RGL1: variants seen among roughly 807,000 people sequenced by gnomAD.
RGL1 encodes ral guanine nucleotide dissociation stimulator-like 1.
A neutral mutation model predicts 95.2 loss-of-function variants in RGL1; 24 were observed. The observed-to-expected ratio is 0.25, with a 90% CI of 0.18 to 0.35. The LOEUF (loss-of-function observed/expected upper bound fraction) is 0.35. Among genes scored for constraint, RGL1 ranks in the 10% least tolerant of loss-of-function variants. RGL1 has a pLI of 1.00. For synonymous variants in RGL1, 329 were observed against 344.9 expected (o/e 0.95, Z 0.51); for missense variants, 715 against 936.3 (o/e 0.76, Z 3.08).
Position 183,661,228 on chromosome 1 carries a change from A to C in RGL1, c.-33+24727A>C, listed in dbSNP as rs374894007. Among the ~76,000 whole-genome samples the C allele has an allele frequency of 5.5e-4, 84 of 152,362 alleles. 3 individuals are homozygous for C. The South Asian group carries it at 0.015, about 27-fold the overall frequency. ...AAATCAGAGCAGAGCTGAAGGAAATAGAGACACAAAAAACCCTTCAAAAAA... is the reference window on the plus strand; with the variant it reads ...AAATCAGAGCAGAGCTGAAGGAAATCGAGACACAAAAAACCCTTCAAAAAA... On this transcript the variant is annotated intron_variant, in intron 1 of 18. Coordinates refer to the RGL1 transcript ENST00000304685.
intron 2 of RGL1, among the ~76,000 whole-genome samples, chr1:183,844,721 C>T (rs1214135648): frequency 6.6e-6 from 1 of 152,146 alleles, no homozygotes; most frequent in East Asian, 1.9e-4. Context: ...ATGGGTACTA[C>T]AAGGTTTGTT....
intron 2 of RGL1, among the ~76,000 whole-genome samples, chr1:183,835,829 T>C (rs1663609976): frequency 6.6e-6 from 1 of 152,204 alleles, no homozygotes; most frequent in Non-Finnish European, 1.5e-5. Flanking sequence ...TATCTAACTT[T>C]CTCTTTCTTA....
intron 2 of RGL1, among the ~76,000 whole-genome samples, chr1:183,806,811 A>G: frequency 6.6e-6 from 1 of 152,052 alleles, no homozygotes; most frequent in East Asian, 1.9e-4. Context: ...GACAAGAGCC[A>G]TAAGCAGCTT....
chr1:183,641,427 G>A (rs1649915169), intron 1 of RGL1, among the ~76,000 whole-genome samples: 1 of 152,068 alleles, frequency 6.6e-6, no homozygotes, highest in Admixed American at 6.6e-5. Context: ...GAGGCACTGT[G>A]TGCTGCCTTT....
intron 2 of RGL1, among the ~76,000 whole-genome samples, chr1:183,798,182 G>GTAT (rs375959883): frequency 4.0e-5 from 6 of 151,782 alleles, no homozygotes; most frequent in East Asian, 3.9e-4. Context: ...TCTTCGCATG[G>GTAT]TATTATTATT....
intron 1 of RGL1, among the ~76,000 whole-genome samples, chr1:183,685,664 C>G (rs1164593762): frequency 6.6e-6 from 1 of 152,140 alleles, no homozygotes; most frequent in Non-Finnish European, 1.5e-5. Flanking sequence ...TTGGATATAT[C>G]TATAACATAA....
At chr1:183,725,572 C>T (rs1264355046) in intron 1 of RGL1, among the ~76,000 whole-genome samples, 1 of 151,962 alleles carries the variant, frequency 6.6e-6, no homozygotes, top group African/African-American at 2.4e-5. Flanking sequence ...AGAACTATTA[C>T]CAGGGATAAA....
chr1:183,863,650 T>A (rs1352434917), intron 3 of RGL1, among the ~76,000 whole-genome samples: 2 of 152,122 alleles, frequency 1.3e-5, no homozygotes, highest in Non-Finnish European at 2.9e-5. Context: ...ATGGAAGTGA[T>A]GAGAAGTGTT....
chr1:183,707,221 G>A (rs997372289), intron 1 of RGL1, among the ~76,000 whole-genome samples: 1 of 152,176 alleles, frequency 6.6e-6, no homozygotes, highest in Non-Finnish European at 1.5e-5. Flanking sequence ...GCATGCGCCT[G>A]AGCTAGGGTC....
intron 1 of RGL1, among the ~76,000 whole-genome samples, chr1:183,723,969 A>G (rs1445165903): frequency 6.6e-6 from 1 of 152,186 alleles, no homozygotes. Context: ...ATACCAGCTC[A>G]GTCACAGTAG....
chr1:183,810,269 G>A (rs1448431205), intron 2 of RGL1, among the ~76,000 whole-genome samples: 9 of 152,282 alleles, frequency 5.9e-5, no homozygotes, highest in Admixed American at 1.3e-4. Context: ...CCTAAGATAA[G>A]TTCCAAGTGA....
intron 1 of RGL1, among the ~76,000 whole-genome samples, chr1:183,685,186 CG>C (rs1292963268): frequency 6.6e-6 from 1 of 151,932 alleles, no homozygotes; most frequent in South Asian, 2.1e-4. Flanking sequence ...AATGCTTAAA[CG>C]TTCTTTAACT....
At chr1:183,689,524 C>A (rs1653817651) in intron 1 of RGL1, among the ~76,000 whole-genome samples, 1 of 152,194 alleles carries the variant, frequency 6.6e-6, no homozygotes, top group Non-Finnish European at 1.5e-5. Context: ...GATAGTTGCT[C>A]CTTTCTATTG....
At chr1:183,647,918 C>A (rs760161720) in intron 1 of RGL1, 3 of 1,614,014 alleles carry the variant, frequency 1.9e-6, no homozygotes, top group Non-Finnish European at 2.5e-6. Flanking sequence ...CAACAGGAGC[C>A]CTGAGGTCTG....
intron 2 of RGL1, among the ~76,000 whole-genome samples, chr1:183,815,363 T>A (rs1483228221): frequency 6.6e-6 from 1 of 152,170 alleles, no homozygotes; most frequent in Non-Finnish European, 1.5e-5. Context: ...ATTGAAGCAT[T>A]TGGTTAGTTT....
intron 3 of RGL1, among the ~76,000 whole-genome samples, chr1:183,851,867 C>T (rs953728536): frequency 6.6e-6 from 1 of 152,084 alleles, no homozygotes; most frequent in African/African-American, 2.4e-5. Flanking sequence ...GTTGTTGAGA[C>T]TTTTAATGTC....
intron 2 of RGL1, among the ~76,000 whole-genome samples, chr1:183,793,831 G>A (rs923277512): frequency 6.6e-6 from 1 of 152,032 alleles, no homozygotes; most frequent in African/African-American, 2.4e-5. Context: ...ATGGAAAACA[G>A]CATGGAGTTT....
intron 2 of RGL1, among the ~76,000 whole-genome samples, chr1:183,837,469 A>C (rs548079396): frequency 2.8e-4 from 42 of 152,180 alleles, no homozygotes; most frequent in South Asian, 1.2e-3. Context: ...TTGGAAGTTC[A>C]CTCTGGATAC....
intron 1 of RGL1, among the ~76,000 whole-genome samples, chr1:183,700,787 G>T (rs543199341): frequency 6.6e-6 from 1 of 151,940 alleles, no homozygotes; most frequent in African/African-American, 2.4e-5. Context: ...CTTGTGATCC[G>T]CCCACCTCGG....
Sources: gnomAD v4.1 joint callset for allele counts (sites outside exome capture counted in the v4.1 genomes callset) on GRCh38, gnomAD v4.1.1 for gene constraint, MANE v1.5 for transcripts, NCBI Gene and HGNC (gene_info 2026-07-23, HGNC 2026-07-21) for gene names.